The following RTL4 variants were observed in gnomAD, a reference collection of about 807,000 sequenced individuals.
RTL4 encodes retrotransposon Gag like 4.
A neutral mutation model predicts 5.3 loss-of-function variants in RTL4; 4 were observed. That is an observed-to-expected ratio of 0.75 (90% CI 0.37 to 1.72). The LOEUF is 1.72. RTL4 is among the 40% of genes most tolerant of loss of function. The probability of loss-of-function intolerance (pLI) is 0.04; values close to 1 mark genes in which losing one functional copy is unlikely to be tolerated. For synonymous variants in RTL4, 98 were observed against 87.3 expected (o/e 1.12, Z -0.68); for missense variants, 260 against 227.1 (o/e 1.14, Z -0.93).
chrX:112,328,521 AC>A, the RTL4 span, among the ~76,000 whole-genome samples: 3 of 111,587 alleles, frequency 2.7e-5, no homozygotes, highest in African/African-American at 9.8e-5. Context: ...GTCCTGAGTG[AC>A]CTACAAAGAG....
At chrX:112,437,457 T>C in the RTL4 span, among the ~76,000 whole-genome samples, 22 of 112,091 alleles carry the variant, frequency 2.0e-4, no homozygotes, top group African/African-American at 5.8e-4. Context: ...TTTGAGGTGA[T>C]GGATGTTAAT....
the RTL4 span, among the ~76,000 whole-genome samples, chrX:112,219,631 G>A: frequency 8.9e-6 from 1 of 112,105 alleles, no homozygotes; most frequent in South Asian, 3.7e-4. Flanking sequence ...AATTATCAAG[G>A]AGACTATTTG....
the RTL4 span, among the ~76,000 whole-genome samples, chrX:112,403,392 A>G: frequency 3.6e-4 from 40 of 112,063 alleles, no homozygotes; most frequent in African/African-American, 1.3e-3. Context: ...CTCTTTTTTC[A>G]CAGATGCTTC....
the RTL4 span, among the ~76,000 whole-genome samples, chrX:112,197,142 G>A: frequency 1.0e-5 from 1 of 95,443 alleles, no homozygotes; most frequent in East Asian, 4.0e-4. Flanking sequence ...TTTTAAATGG[G>A]CAAAGGACCT....
chrX:112,240,852 T>C, the RTL4 span, among the ~76,000 whole-genome samples: 2 of 110,434 alleles, frequency 1.8e-5, no homozygotes, highest in African/African-American at 3.3e-5. Context: ...CGTTGTGTGA[T>C]GTTCCCCACC....
the RTL4 span, among the ~76,000 whole-genome samples, chrX:112,278,571 G>A: frequency 2.7e-5 from 3 of 111,507 alleles, no homozygotes; most frequent in African/African-American, 6.5e-5. Flanking sequence ...TGAACAATAA[G>A]CATAACCTGG....
At chrX:112,408,260 A>G in the RTL4 span, among the ~76,000 whole-genome samples, 1 of 111,306 alleles carries the variant, frequency 9.0e-6, no homozygotes, top group African/African-American at 3.3e-5. Context: ...CAGGTAACAC[A>G]GAGAAGGAAT....
At chrX:112,089,856 G>A in the RTL4 span, among the ~76,000 whole-genome samples, 2 of 111,228 alleles carry the variant, frequency 1.8e-5, no homozygotes, top group African/African-American at 6.5e-5. Context: ...TCTCAACAAT[G>A]TTGTATTCTA....
At chrX:112,279,525 G>T in the RTL4 span, among the ~76,000 whole-genome samples, 1 of 111,240 alleles carries the variant, frequency 9.0e-6, no homozygotes, top group Non-Finnish European at 1.9e-5. Context: ...AGACATGAAA[G>T]ATCTCAAAAT....
chrX:112,335,408 G>T, the RTL4 span, among the ~76,000 whole-genome samples: 4 of 110,930 alleles, frequency 3.6e-5, no homozygotes, highest in South Asian at 1.5e-3. Flanking sequence ...AGATTTATTT[G>T]CCATTTCAAT....
chrX:112,113,931 G>C, the RTL4 span, among the ~76,000 whole-genome samples: 16 of 111,053 alleles, frequency 1.4e-4, no homozygotes, highest in African/African-American at 5.2e-4. Flanking sequence ...TGTTCCTCTT[G>C]GTCCCTATTA....
At chrX:112,179,338 T>A in the RTL4 span, among the ~76,000 whole-genome samples, 5 of 108,789 alleles carry the variant, frequency 4.6e-5, no homozygotes, top group East Asian at 1.4e-3. Flanking sequence ...CTCACATATA[T>A]AGGGACATAA....
At chrX:112,365,417 A>G in the RTL4 span, among the ~76,000 whole-genome samples, 1 of 110,993 alleles carries the variant, frequency 9.0e-6, no homozygotes, top group Admixed American at 9.6e-5. Flanking sequence ...AAGCTTTCCC[A>G]GATCACTTGG....
chrX:112,160,809 G>A, the RTL4 span, among the ~76,000 whole-genome samples: 4 of 110,089 alleles, frequency 3.6e-5, no homozygotes, highest in Non-Finnish European at 7.5e-5. Context: ...TATGTTGGGA[G>A]AGTGTGAGAG....
At chrX:112,429,487 T>G in the RTL4 span, among the ~76,000 whole-genome samples, 1 of 111,104 alleles carries the variant, frequency 9.0e-6, no homozygotes, top group Middle Eastern at 4.2e-3. Flanking sequence ...TCATTTCCCT[T>G]GTATCATTGT....
chrX:112,092,238 C>A, the RTL4 span, among the ~76,000 whole-genome samples: 2 of 111,700 alleles, frequency 1.8e-5, no homozygotes, highest in Admixed American at 1.9e-4. Flanking sequence ...AAATAACTTA[C>A]TTCTGCCATG....
At chrX:112,197,419 G>A in the RTL4 span, among the ~76,000 whole-genome samples, 5 of 109,990 alleles carry the variant, frequency 4.5e-5, no homozygotes, top group Non-Finnish European at 5.7e-5. Flanking sequence ...TCAGCATGGC[G>A]GATGGACCAC....
chrX:112,207,640 T>G, the RTL4 span, among the ~76,000 whole-genome samples: 1 of 53,700 alleles, frequency 1.9e-5, no homozygotes, highest in African/African-American at 1.3e-4. Flanking sequence ...AGTGGCATTG[T>G]TTTTTTTTTT....
At chrX:112,412,838 AG>A in the RTL4 span, among the ~76,000 whole-genome samples, 1 of 111,432 alleles carries the variant, frequency 9.0e-6, no homozygotes, top group Non-Finnish European at 1.9e-5. Flanking sequence ...AGGTAACCAA[AG>A]CAAAGACGGT....
Sources: allele counts gnomAD v4.1 joint callset (sites outside exome capture counted in the v4.1 genomes callset), GRCh38; gene constraint gnomAD v4.1.1; transcripts MANE v1.5; gene names NCBI Gene and HGNC (gene_info 2026-07-23, HGNC 2026-07-21).